CLOCK: variants seen among roughly 807,000 people sequenced by gnomAD.
CLOCK encodes the protein circadian locomoter output cycles protein kaput.
In CLOCK, 43 loss-of-function variants were observed where a neutral mutation model predicts 118.4. The observed-to-expected ratio is 0.36, with a 90% CI of 0.28 to 0.47. CLOCK has a LOEUF of 0.47. CLOCK is among the 20% of genes least tolerant of loss of function. CLOCK has a pLI of 1.00. For missense variants in CLOCK, 846 were observed against 999.9 expected, an observed-to-expected ratio of 0.85 and a Z score of 2.08; for synonymous variants, 326 against 339.2, an observed-to-expected ratio of 0.96 and a Z score of 0.43.
chr4:55,459,096 C>G, intron 10 of CLOCK, 52 bp downstream of exon 10: 1 of 1,471,358 alleles, frequency 6.8e-7, no homozygotes, highest in African/African-American at 1.4e-5. Flanking sequence ...TCTTTAAGAG[C>G]ACAGAAAAAT....
intron 9 of CLOCK, among the ~76,000 whole-genome samples, chr4:55,461,110 T>C (rs1385108490): frequency 6.6e-6 from 1 of 152,062 alleles, no homozygotes; most frequent in Non-Finnish European, 1.5e-5. Context: ...CTCTTTATTG[T>C]ATAGACGGTG....
At chr4:55,546,670 C>T (rs1731660309) in intron 1 of CLOCK, 112 bp downstream of exon 1, 1 of 138,348 alleles carries the variant, frequency 7.2e-6, no homozygotes, top group Non-Finnish European at 1.6e-5. Context: ...CCAGCTCCTC[C>T]TCCCCCTCCC....
At chr4:55,544,397 A>G (rs913423949) in intron 1 of CLOCK, among the ~76,000 whole-genome samples, 1 of 152,192 alleles carries the variant, frequency 6.6e-6, no homozygotes, top group Admixed American at 6.5e-5. Context: ...TGAAAAAAAG[A>G]GGAGGGGGAA....
At chr4:55,460,927 C>CCT (rs1389523731) in intron 9 of CLOCK, among the ~76,000 whole-genome samples, 1 of 122,410 alleles carries the variant, frequency 8.2e-6, no homozygotes, top group East Asian at 3.1e-4. Context: ...ACTTTCCTCT[C>CCT]CTTTTTTTTT....
intron 1 of CLOCK, among the ~76,000 whole-genome samples, chr4:55,541,867 GC>G (rs1338334515): frequency 1.3e-5 from 2 of 151,084 alleles, no homozygotes; most frequent in Non-Finnish European, 2.9e-5. Flanking sequence ...GTTATCAAGA[GC>G]TAAGATCTAA....
intron 1 of CLOCK, among the ~76,000 whole-genome samples, chr4:55,530,229 C>T (rs1015630647): frequency 3.9e-5 from 6 of 152,100 alleles, no homozygotes; most frequent in Non-Finnish European, 8.8e-5. Flanking sequence ...GATACTAAAG[C>T]TTATCTTTGT....
rs1164243090 is a variant in CLOCK at position 55,429,418 on chromosome 4, A to C, written c.*5997T>G. The C allele has an allele frequency of 6.6e-6, 1 of 152,168 alleles. No individual in the cohort carries two copies. Among genetic ancestry groups the C allele is most frequent in the Non-Finnish European group, 1.5e-5 (1 of 68,044 alleles). 9.4% of individuals were successfully genotyped at this position (152,168 alleles called of 1,614,324 possible). On this transcript the variant is annotated 3_prime_UTR_variant, in exon 23 of 23. Coordinates refer to ENST00000513440, the MANE Select transcript of CLOCK (RefSeq NM_004898.4). ...GCTTGTGAGCAAGAAGGATCCTCAA[A>C]TGTCTAGGTTTCCAATATTCCAACA...
At chr4:55,519,113 G>A (rs1193471920) in intron 1 of CLOCK, among the ~76,000 whole-genome samples, 1 of 151,960 alleles carries the variant, frequency 6.6e-6, no homozygotes, top group African/African-American at 2.4e-5. Flanking sequence ...GTGCAATGGA[G>A]CAATCATAAT....
At position 55,438,278 on chromosome 4, in the gene CLOCK, T is replaced by G. The variant is rs1472457674; in HGVS notation, c.2361+4A>C. The G allele has an allele frequency of 1.2e-6, 2 of 1,613,982 alleles. No individual in the cohort carries two copies. The highest frequency in any genetic ancestry group is 2.7e-5 in the African/African-American group (2 of 74,940). On this transcript the variant is annotated splice_donor_region_variant and intron_variant, in intron 22 of 22. Transcript: ENST00000513440. ...TGAAGCAGCTTCCCCATGGGGAGAA[T>G]TACCTGTAAAAATTGTTGCGGTGGC...
At position 55,450,237 on chromosome 4, in the gene CLOCK, G is replaced by A; in HGVS notation, c.1207-5C>T. 1 of 1,613,830 alleles carries A rather than the reference G, an allele frequency of 6.2e-7. No homozygotes were observed. The highest frequency in any genetic ancestry group is 1.7e-5 in the Admixed American group (1 of 60,008). Reference sequence around the variant, plus strand: ...ATCTGACCCAGAATCTTGGCTCTATGGAGACAGAGTAAAATAAATGTTTTC... The same window carrying A: ...ATCTGACCCAGAATCTTGGCTCTATAGAGACAGAGTAAAATAAATGTTTTC... On this transcript the variant is annotated splice_region_variant and splice_polypyrimidine_tract_variant and intron_variant, in intron 15 of 22. Transcript: ENST00000513440.
At chr4:55,469,593 TG>T in intron 8 of CLOCK, among the ~76,000 whole-genome samples, 1 of 152,312 alleles carries the variant, frequency 6.6e-6, no homozygotes, top group East Asian at 1.9e-4. Flanking sequence ...GGCTAATGTG[TG>T]TATGTTTGTG....
At chr4:55,489,234 G>A (rs1727511613) in intron 3 of CLOCK, 140 bp downstream of exon 3, 1 of 152,266 alleles carries the variant, frequency 6.6e-6, no homozygotes. Flanking sequence ...CTGGTACTAC[G>A]TTTGGTGGTA....
At chr4:55,504,283 C>CAAAAAAAA (rs35414558) in intron 2 of CLOCK, among the ~76,000 whole-genome samples, 35 of 51,932 alleles carry the variant, frequency 6.7e-4, no homozygotes, top group Admixed American at 1.2e-3. Context: ...GAGACTCCAT[C>CAAAAAAAA]AAAAAAAAAA....
intron 1 of CLOCK, among the ~76,000 whole-genome samples, chr4:55,527,369 T>G (rs1730272605): frequency 6.6e-6 from 1 of 152,142 alleles, no homozygotes; most frequent in African/African-American, 2.4e-5. Context: ...GTTTAAAACA[T>G]CCTGTAAAAA....
intron 8 of CLOCK, among the ~76,000 whole-genome samples, chr4:55,469,318 C>T (rs527818677): frequency 3.9e-4 from 59 of 152,224 alleles, no homozygotes; most frequent in African/African-American, 1.3e-3. Flanking sequence ...TGGTCTCAAA[C>T]TCTCAACCTC....
At chr4:55,442,671 T>A in intron 20 of CLOCK, 37 bp from the exon 21 acceptor site, 1 of 1,524,656 alleles carries the variant, frequency 6.6e-7, no homozygotes, top group Non-Finnish European at 9.1e-7. Context: ...ACAGATTAAC[T>A]GAAAATAATT....
At position 55,438,298 on chromosome 4, in the gene CLOCK, G is replaced by T. The variant is rs767458103; in HGVS notation, c.2345C>A (p.Pro782Gln). ...GAGAATTACCTGTAAAAATTGTTGC[G>T]GTGGCTGGGTCAGCTGAGCCTGAGA... ...QPSQAQLTQP[P>Q]QQFLQTSRLL... The change falls in exon 22 of 23, where the codon CCG becomes CAG. Residue 782 changes from proline to glutamine, a missense_variant. Pro to Gln is a moderately conservative substitution (Grantham distance 76). Coordinates refer to ENST00000513440, the MANE Select transcript of CLOCK (RefSeq NM_004898.4). The T allele has an allele frequency of 1.2e-6, 2 of 1,614,088 alleles. No homozygotes were observed. Among genetic ancestry groups the T allele is most frequent in the South Asian group, 1.1e-5 (1 of 91,076 alleles).
rs1450054330 is a variant in CLOCK, at chr4:55,511,564, TTC to T, written c.-289-1501_-289-1500del. On this transcript the variant is annotated intron_variant, in intron 1 of 22. Transcript: ENST00000513440. Reference sequence around the variant, plus strand: ...CCATTAATGCACAGCCTTCCCCATATTCAACATTCCCCACCAGAGTGGTACAT... The same window carrying T: ...CCATTAATGCACAGCCTTCCCCATATAACATTCCCCACCAGAGTGGTACAT... Among the ~76,000 whole-genome samples, 4 of 152,254 alleles carry T rather than the reference TTC, an allele frequency of 2.6e-5. No individual in the cohort carries two copies. The East Asian group carries it at 7.7e-4, about 29-fold the overall frequency.
rs531311310 is a variant in CLOCK, at chr4:55,535,843, G to C, written c.-290+10939C>G. On this transcript the variant is annotated intron_variant, in intron 1 of 22. Coordinates refer to ENST00000513440, the MANE Select transcript of CLOCK (RefSeq NM_004898.4). Reference sequence around the variant, plus strand: ...ACTGCAACCTCCACCTCAGAGATGGGGAGAATATTTTAAAGGTATTTAGAT... The same window carrying C: ...ACTGCAACCTCCACCTCAGAGATGGCGAGAATATTTTAAAGGTATTTAGAT... Among the ~76,000 whole-genome samples, 591 of 151,314 alleles carry C rather than the reference G, an allele frequency of 3.9e-3. 2 individuals carry two copies. The highest frequency in any genetic ancestry group is 9.0e-3 in the South Asian group (43 of 4,784).
Sources: allele counts gnomAD v4.1 joint callset (sites outside exome capture counted in the v4.1 genomes callset), GRCh38; gene constraint gnomAD v4.1.1; transcripts MANE v1.5; gene names NCBI Gene and HGNC (gene_info 2026-07-23, HGNC 2026-07-21).